CNTN4: variants seen among roughly 807,000 people sequenced by gnomAD.
CNTN4 encodes contactin-4.
Under a neutral mutation model 122.5 loss-of-function variants are expected in CNTN4, and 77 were observed. The observed-to-expected ratio is 0.63, with a 90% CI of 0.52 to 0.76. The LOEUF (loss-of-function observed/expected upper bound fraction) is 0.76. Among genes scored for constraint, CNTN4 ranks in the 30% least tolerant of loss-of-function variants. CNTN4 has a pLI of 0.00. For synonymous variants in CNTN4, 512 were observed against 447.0 expected (o/e 1.15, Z -1.83); for missense variants, 1,256 against 1,259.1 (o/e 1.00, Z 0.04).
intron 21 of CNTN4, 127 bp from the exon 22 acceptor site, chr3:3,042,850 A>G: frequency 1.3e-6 from 1 of 770,676 alleles, no homozygotes. Flanking sequence ...TTGTCCTGAT[A>G]GCTCTGCTCA....
At chr3:2,395,859 A>G (rs901773795) in intron 3 of CNTN4, among the ~76,000 whole-genome samples, 9 of 152,186 alleles carry the variant, frequency 5.9e-5, no homozygotes, top group African/African-American at 1.9e-4. Context: ...GTATTGTTCA[A>G]TAAAAATAAT....
At chr3:2,556,987 T>A (rs1217524149) in intron 3 of CNTN4, among the ~76,000 whole-genome samples, 2 of 152,202 alleles carry the variant, frequency 1.3e-5, no homozygotes, top group Non-Finnish European at 2.9e-5. Flanking sequence ...TATGTAGGCA[T>A]GGATCTTAAA....
chr3:2,798,877 C>G (rs528354217), intron 6 of CNTN4, among the ~76,000 whole-genome samples: 2 of 152,084 alleles, frequency 1.3e-5, no homozygotes, highest in Non-Finnish European at 2.9e-5. Flanking sequence ...ATTGCCTGAT[C>G]AATTGGTAGT....
chr3:2,920,609 G>T lies in CNTN4; in HGVS notation c.1208-5020G>T, dbSNP rs560937071. On this transcript the variant is annotated intron_variant, in intron 12 of 24. Coordinates refer to ENST00000418658, the MANE Select transcript of CNTN4 (RefSeq NM_175607.3). ...TTTTCAAACAATGATGTGTTTCTCG[G>T]ACTCTAAGAAAATTTTCAGCAGAAG... Among the ~76,000 whole-genome samples the T allele has an allele frequency of 2.0e-5, 3 of 152,180 alleles. No individual in the cohort carries two copies. The East Asian group carries it at 5.8e-4, about 29-fold the overall frequency.
intron 7 of CNTN4, among the ~76,000 whole-genome samples, chr3:2,861,142 C>A (rs2093667618): frequency 6.6e-6 from 1 of 152,160 alleles, no homozygotes; most frequent in Non-Finnish European, 1.5e-5. Context: ...TTTTAATTAT[C>A]CTATTTTTCA....
Position 2,510,716 on chromosome 3 carries a change from A to T in CNTN4, c.-88-60700A>T, listed in dbSNP as rs75087863. On this transcript the variant is annotated intron_variant, in intron 3 of 24. Transcript: ENST00000418658. Reference sequence around the variant, plus strand: ...GTGGCAAGGTTTTGATAAAGCGCAGAACACATGTTCTGTTTAAAAATGTTC... The same window carrying T: ...GTGGCAAGGTTTTGATAAAGCGCAGTACACATGTTCTGTTTAAAAATGTTC... 4.0e-3 allele frequency among the ~76,000 whole-genome samples: 605 copies of T among 152,296 alleles called. 3 individuals carry two copies. The highest frequency in any genetic ancestry group is 0.014 in the African/African-American group (571 of 41,550).
At chr3:2,526,375 T>G (rs772802018) in intron 3 of CNTN4, among the ~76,000 whole-genome samples, 2 of 152,168 alleles carry the variant, frequency 1.3e-5, no homozygotes, top group Middle Eastern at 3.2e-3. Context: ...AATTCTTCCC[T>G]ATGACTAAAA....
At chr3:2,595,927 C>G (rs2080748497) in intron 4 of CNTN4, among the ~76,000 whole-genome samples, 1 of 152,164 alleles carries the variant, frequency 6.6e-6, no homozygotes, top group Non-Finnish European at 1.5e-5. Context: ...TATGTATCAT[C>G]ATCTGTTGTA....
chr3:2,734,216 A>C (rs1455431014), intron 4 of CNTN4, among the ~76,000 whole-genome samples: 1 of 152,078 alleles, frequency 6.6e-6, no homozygotes, highest in African/African-American at 2.4e-5. Context: ...GCATGCCACC[A>C]AGCCCAGCTA....
chr3:2,567,966 G>A (rs920974958), intron 3 of CNTN4, among the ~76,000 whole-genome samples: 6 of 152,036 alleles, frequency 3.9e-5, no homozygotes, highest in South Asian at 2.1e-4. Context: ...TGGTTTATTA[G>A]CACCTCCTGC....
chr3:2,904,100 A>G (rs967355081), intron 12 of CNTN4, among the ~76,000 whole-genome samples: 3 of 152,206 alleles, frequency 2.0e-5, no homozygotes, highest in African/African-American at 7.2e-5. Context: ...ATAAAAGAAG[A>G]GATGATAATG....
chr3:2,944,220 A>T (rs540285427), intron 13 of CNTN4, among the ~76,000 whole-genome samples: 2 of 152,142 alleles, frequency 1.3e-5, no homozygotes, highest in East Asian at 3.9e-4. Flanking sequence ...ACCAACAGAA[A>T]TATAACACCT....
chr3:2,325,861 G>A (rs11129104), intron 2 of CNTN4, among the ~76,000 whole-genome samples: 53,784 of 152,040 alleles, frequency 0.35, 10,441 homozygotes, highest in East Asian at 0.8. Context: ...AATTAGAGGT[G>A]TATGCTTTAT....
chr3:2,930,819 A>G (rs1027738329), intron 13 of CNTN4, among the ~76,000 whole-genome samples: 7 of 152,170 alleles, frequency 4.6e-5, no homozygotes, highest in Admixed American at 3.9e-4. Flanking sequence ...AAAAAAGGAG[A>G]CATGAACCTA....
At chr3:2,605,091 C>T (rs532542319) in intron 4 of CNTN4, among the ~76,000 whole-genome samples, 8 of 152,310 alleles carry the variant, frequency 5.3e-5, no homozygotes, top group Admixed American at 3.9e-4. Flanking sequence ...ACGGCAGCCT[C>T]GAACTGCTGA....
rs116289759 is a variant in CNTN4 at position 3,017,613 on chromosome 3, C to T, written c.1487-8489C>T. ...CTGTGGCCAGAATGGGCAGCAAGGCCACCCCCCAAAAAGAGTCAGACCTGT... is the reference window on the plus strand; with the variant it reads ...CTGTGGCCAGAATGGGCAGCAAGGCTACCCCCCAAAAAGAGTCAGACCTGT... On this transcript the variant is annotated intron_variant, in intron 14 of 24. Coordinates refer to ENST00000418658, the MANE Select transcript of CNTN4 (RefSeq NM_175607.3). Among the ~76,000 whole-genome samples the T allele has an allele frequency of 3.3e-3, 502 of 152,280 alleles. 4 individuals are homozygous for T. Among genetic ancestry groups the T allele is most frequent in the African/African-American group, 0.012 (484 of 41,554 alleles).
chr3:2,872,949 T>G (rs748731412), intron 8 of CNTN4, among the ~76,000 whole-genome samples: 1 of 152,198 alleles, frequency 6.6e-6, no homozygotes, highest in Non-Finnish European at 1.5e-5. Context: ...CAGCCTAATT[T>G]AGCCATGAAA....
chr3:2,499,982 C>A (rs2076552833), intron 3 of CNTN4, among the ~76,000 whole-genome samples: 1 of 152,002 alleles, frequency 6.6e-6, no homozygotes, highest in South Asian at 2.1e-4. Flanking sequence ...TATTTCATTT[C>A]CTTTGGAATG....
intron 6 of CNTN4, among the ~76,000 whole-genome samples, chr3:2,752,438 T>C (rs2090140220): frequency 6.6e-6 from 1 of 152,228 alleles, no homozygotes; most frequent in African/African-American, 2.4e-5. Flanking sequence ...CGATCTCGGC[T>C]CACTGCAACC....
Sources: gnomAD v4.1 joint callset for allele counts (sites outside exome capture counted in the v4.1 genomes callset) on GRCh38, gnomAD v4.1.1 for gene constraint, MANE v1.5 for transcripts, NCBI Gene and HGNC (gene_info 2026-07-23, HGNC 2026-07-21) for gene names.